The following ZFP1 variants were observed in gnomAD, a reference collection of about 807,000 sequenced individuals.
ZFP1 encodes the protein ZFP1 zinc finger protein.
Under a neutral mutation model 38.5 loss-of-function variants are expected in ZFP1, and 32 were observed. The ratio of observed to expected loss-of-function variants is 0.83; its 90% CI spans 0.63 to 1.12. The LOEUF (loss-of-function observed/expected upper bound fraction) is 1.12. Among genes scored for constraint, ZFP1 ranks in the 50% most tolerant of loss-of-function variants. The pLI, the probability that ZFP1 is intolerant of heterozygous loss-of-function variation, is 0.00. For missense variants in ZFP1, 616 were observed against 480.8 expected (o/e 1.28, Z -2.63); for synonymous variants, 245 against 168.8 (o/e 1.45, Z -3.50).
the ZFP1 span, chr16:75,126,193 A>G: frequency 3.3e-5 from 5 of 152,104 alleles, no homozygotes; most frequent in Admixed American, 6.6e-5. Flanking sequence ...CTGTGTCGCC[A>G]GGCTGGAGTG....
At chr16:75,137,401 C>G in the ZFP1 span, among the ~76,000 whole-genome samples, 157 of 149,058 alleles carry the variant, frequency 1.1e-3, no homozygotes, top group Middle Eastern at 7.0e-3. Context: ...CACTTGAGAG[C>G]AGAAGTTCAA....
At chr16:75,166,731 A>G in intron 2 of ZFP1, 39 bp from the exon 3 acceptor site, 3 of 1,613,900 alleles carry the variant, frequency 1.9e-6, no homozygotes, top group Non-Finnish European at 2.5e-6. Flanking sequence ...TATATCACCA[A>G]ATGATCATCT....
the ZFP1 span, among the ~76,000 whole-genome samples, chr16:75,120,482 T>A: frequency 6.6e-6 from 1 of 152,184 alleles, no homozygotes; most frequent in Non-Finnish European, 1.5e-5. Context: ...CTGCTTACTT[T>A]TGTATTGTTG....
At chr16:75,134,679 A>T in the ZFP1 span, among the ~76,000 whole-genome samples, 10 of 148,222 alleles carry the variant, frequency 6.7e-5, no homozygotes, top group African/African-American at 2.5e-4. Context: ...GTGAACCGGG[A>T]GGCAGAGCTT....
chr16:75,139,161 G>A, the ZFP1 span, among the ~76,000 whole-genome samples: 2,245 of 151,838 alleles, frequency 0.015, 49 homozygotes, highest in African/African-American at 0.052. Context: ...CGAGGTCAGG[G>A]GATCGAGACC....
At chr16:75,157,963 T>C (rs1035704064) in intron 2 of ZFP1, among the ~76,000 whole-genome samples, 2 of 151,868 alleles carry the variant, frequency 1.3e-5, no homozygotes, top group African/African-American at 2.4e-5. Flanking sequence ...TGTAGTTTTG[T>C]TTTTGGTAGA....
In ZFP1 at chr16:75,170,545, T is replaced by C. The variant is rs12935567; in HGVS notation, c.*211T>C. 353,694 of 645,676 alleles carry C rather than the reference T, an allele frequency of 0.55. 100,592 individuals are homozygous for C. Among genetic ancestry groups the C allele is most frequent in the East Asian group, 0.75 (23,801 of 31,706 alleles). The allele number at this position is 645,676 out of a possible 1,614,324, so 40.0% of individuals were successfully genotyped here. A position where few individuals can be genotyped will look rare whatever the true frequency, so the allele number is the denominator to read the frequency against. The stretch of plus-strand genomic sequence containing the variant: ...AGAATACATATCAGAATATATCCAG[T>C]TGTAAATAGCCATACCCAGTTGTAC... On this transcript the variant is annotated 3_prime_UTR_variant, in exon 4 of 4. Coordinates refer to ENST00000570010, the MANE Select transcript of ZFP1 (RefSeq NM_153688.4).
the ZFP1 span, chr16:75,127,899 C>T: frequency 3.0e-4 from 46 of 152,304 alleles, no homozygotes; most frequent in South Asian, 8.3e-3. Context: ...GAACAAAATT[C>T]AGAGCATATT....
upstream of ZFP1, among the ~76,000 whole-genome samples, chr16:75,145,365 C>G (rs916655128): frequency 2.0e-5 from 3 of 152,178 alleles, no homozygotes; most frequent in African/African-American, 7.2e-5. Context: ...TGTTGGCAGT[C>G]TCTTACAAAA....
chr16:75,140,351 T>C, the ZFP1 span, among the ~76,000 whole-genome samples: 2 of 151,678 alleles, frequency 1.3e-5, no homozygotes, highest in Admixed American at 1.3e-4. Context: ...GGAGGACCAC[T>C]TGAGCTCAGG....
At chr16:75,164,074 A>AT (rs1324383080) in intron 2 of ZFP1, among the ~76,000 whole-genome samples, 1 of 152,064 alleles carries the variant, frequency 6.6e-6, no homozygotes. Context: ...TGTTATGTGC[A>AT]TTTTTTGGAA....
intron 2 of ZFP1, among the ~76,000 whole-genome samples, chr16:75,162,944 C>G (rs550432945): frequency 1.0e-4 from 15 of 148,092 alleles, no homozygotes; most frequent in African/African-American, 3.7e-4. Flanking sequence ...CAGTCTTGCT[C>G]TGTTGCCCAG....
At chr16:75,166,639 C>A in intron 2 of ZFP1, 131 bp from the exon 3 acceptor site, 1 of 1,516,456 alleles carries the variant, frequency 6.6e-7, no homozygotes. Flanking sequence ...AAGACATGAA[C>A]AAAAACAGTG....
upstream of ZFP1, chr16:75,144,072 T>G (rs940554727): frequency 6.6e-6 from 1 of 152,222 alleles, no homozygotes; most frequent in Non-Finnish European, 1.5e-5. Context: ...CGCTACACTT[T>G]CTCTTTATTT....
intron 3 of ZFP1, among the ~76,000 whole-genome samples, chr16:75,167,768 T>C (rs2038177668): frequency 6.6e-6 from 1 of 152,048 alleles, no homozygotes; most frequent in Non-Finnish European, 1.5e-5. Context: ...CTGCTAATTA[T>C]TTTTTACTTT....
chr16:75,121,572 G>C, the ZFP1 span, among the ~76,000 whole-genome samples: 1 of 152,066 alleles, frequency 6.6e-6, no homozygotes, highest in Non-Finnish European at 1.5e-5. Context: ...CATAAGGCTA[G>C]TTAGCTGACA....
upstream of ZFP1, chr16:75,144,269 T>A (rs907671592): frequency 3.9e-5 from 6 of 152,204 alleles, no homozygotes; most frequent in Non-Finnish European, 8.8e-5. Context: ...TTAGTCTTTT[T>A]AAAATATGCA....
chr16:75,129,220 G>A, the ZFP1 span, among the ~76,000 whole-genome samples: 2 of 152,130 alleles, frequency 1.3e-5, no homozygotes, highest in Non-Finnish European at 1.5e-5. Flanking sequence ...GAGGACGTGA[G>A]ACTTCACAAC....
rs1180966263 is a variant in ZFP1 at position 75,167,056 on chromosome 16, C to G, written c.142+160C>G. 4 of 1,361,102 alleles carry G rather than the reference C, an allele frequency of 2.9e-6. No homozygotes were observed. The South Asian group carries it at 6.2e-5, about 21-fold the overall frequency. 84.3% of individuals were successfully genotyped at this position (1,361,102 alleles called of 1,614,324 possible). A position where few individuals can be genotyped will look rare whatever the true frequency, so the allele number is the denominator to read the frequency against. On this transcript the variant is annotated intron_variant, in intron 3 of 3. Coordinates refer to ENST00000570010, the MANE Select transcript of ZFP1 (RefSeq NM_153688.4). ...GCAGCCTTTAAAGCTCTATCATCTC[C>G]TTTCCTTTAAGGCTTCTGAAGTCCA...
Sources: allele counts gnomAD v4.1 joint callset (sites outside exome capture counted in the v4.1 genomes callset), GRCh38; gene constraint gnomAD v4.1.1; transcripts MANE v1.5; gene names NCBI Gene and HGNC (gene_info 2026-07-23, HGNC 2026-07-21).